The following LILRB1 variants were observed in gnomAD, a reference collection of about 807,000 sequenced individuals.
LILRB1 encodes leukocyte immunoglobulin-like receptor subfamily B member 1.
LILRB1 carries 59 observed loss-of-function variants against 74.6 expected under a neutral mutation model. That is an observed-to-expected ratio of 0.79 (90% CI 0.64 to 0.98). LILRB1 has a LOEUF of 0.98. LILRB1 is among the 50% of genes least tolerant of loss of function. The pLI is 0.00. For synonymous variants in LILRB1, 328 were observed against 333.9 expected (o/e 0.98, Z 0.19); for missense variants, 804 against 822.6 (o/e 0.98, Z 0.28).
upstream of LILRB1, among the ~76,000 whole-genome samples, chr19:54,626,286 C>T (rs2063585551): frequency 6.6e-6 from 1 of 152,122 alleles, no homozygotes; most frequent in Non-Finnish European, 1.5e-5. Flanking sequence ...TGTATCTATT[C>T]TAGGTATCTT....
intron 1 of LILRB1, among the ~76,000 whole-genome samples, chr19:54,624,686 C>G (rs2146188969): frequency 6.6e-6 from 1 of 152,258 alleles, no homozygotes; most frequent in South Asian, 2.1e-4. Context: ...GCCGGCTGGA[C>G]AGCGTGTGTG....
chr19:54,621,865 A>G (rs907672603), intron 1 of LILRB1, among the ~76,000 whole-genome samples: 1 of 152,118 alleles, frequency 6.6e-6, no homozygotes, highest in Non-Finnish European at 1.5e-5. Flanking sequence ...ATTTTTGTAC[A>G]TGGTGGGAGA....
rs755681901 is a variant in LILRB1 at position 54,635,599 on chromosome 19, T to C, written c.1643T>C (p.Met548Thr). The C allele has an allele frequency of 7.4e-6, 12 of 1,613,870 alleles. No homozygotes were observed. In the Admixed American group the frequency reaches 1.5e-4, roughly 20 times the overall value. Residue 548 changes from methionine (M) to threonine (T), a missense_variant, in exon 13 of 15, where the codon ATG (methionine) becomes ACG (threonine). Met to Thr is a moderately conservative substitution (Grantham distance 81, BLOSUM62 -1). Coordinates refer to ENST00000324602, the MANE Select transcript of LILRB1 (RefSeq NM_001081637.3). ...KHTQPEDGVE[M>T]DTRQSPHDED... ...ACACAGCCTGAGGATGGGGTGGAGATGGACACTCGGGTGAGACCCCACCCC... is the reference window on the plus strand; with the variant it reads ...ACACAGCCTGAGGATGGGGTGGAGACGGACACTCGGGTGAGACCCCACCCC...
chr19:54,637,919 A>AT lies in LILRB1; in HGVS notation c.*1041_*1042insT, dbSNP rs2064563146. 6.6e-6 allele frequency among the ~76,000 whole-genome samples: 1 copy of AT among 152,250 alleles called. No homozygotes were observed. ...AACTGGAGTTTACATAATGAACATA[A>AT]GAGTAATCAGAGAATCTGACTCATT... On this transcript the variant is annotated 3_prime_UTR_variant, in exon 15 of 15. Coordinates refer to ENST00000324602, the MANE Select transcript of LILRB1 (RefSeq NM_001081637.3).
upstream of LILRB1, among the ~76,000 whole-genome samples, chr19:54,629,814 T>C (rs1022653196): frequency 1.3e-5 from 2 of 152,042 alleles, no homozygotes; most frequent in African/African-American, 4.8e-5. Context: ...TGTTCTTTCC[T>C]GTGGATCCAT....
rs564489382 is a variant in LILRB1, at chr19:54,637,152, G to A, written c.*274G>A. The A allele has an allele frequency of 2.3e-5, 10 of 426,422 alleles. No individual in the cohort carries two copies. Among genetic ancestry groups the A allele is most frequent in the East Asian group, 7.3e-5 (2 of 27,476 alleles). The allele number at this position is 426,422 out of a possible 1,614,324, so 26.4% of individuals were successfully genotyped here. A position where few individuals can be genotyped will look rare whatever the true frequency, so the allele number is the denominator to read the frequency against. On this transcript the variant is annotated 3_prime_UTR_variant, in exon 15 of 15. Transcript: ENST00000324602. The stretch of plus-strand genomic sequence containing the variant: ...ACAATGTAAATATTACACATCAAGC[G>A]ATGAAACTGGAAAACTACAAGCCAC...
At chr19:54,628,326 G>C (rs75122192), upstream of LILRB1, among the ~76,000 whole-genome samples, 2 of 152,026 alleles carry the variant, frequency 1.3e-5, no homozygotes, top group Admixed American at 6.6e-5. Context: ...TATTTATCAC[G>C]GCTAGCAGAT....
chr19:54,620,559 A>C (rs1455312742), intron 1 of LILRB1, among the ~76,000 whole-genome samples: 2 of 152,168 alleles, frequency 1.3e-5, no homozygotes, highest in Non-Finnish European at 2.9e-5. Flanking sequence ...TGAGTATATG[A>C]GATCCAAATG....
intron 1 of LILRB1, among the ~76,000 whole-genome samples, chr19:54,623,834 A>G (rs2063512909): frequency 6.6e-6 from 1 of 151,988 alleles, no homozygotes; most frequent in Non-Finnish European, 1.5e-5. Flanking sequence ...TTTGGATGGG[A>G]TTTGTTTTGC....
rs575822772 is a variant in LILRB1 at position 54,632,917 on chromosome 19, A to G, written c.959-99A>G. ...GGCGGGGAGGGGGAGACTCAGAGAAAACAGAGACAGAGACACTGAGGGTCC... is the reference window on the plus strand; with the variant it reads ...GGCGGGGAGGGGGAGACTCAGAGAAGACAGAGACAGAGACACTGAGGGTCC... On this transcript the variant is annotated intron_variant, in intron 6 of 14. Transcript: ENST00000324602. The G allele has an allele frequency of 7.0e-3, 10,830 of 1,552,016 alleles. 47 individuals carry two copies. The highest frequency in any genetic ancestry group is 8.7e-3 in the Non-Finnish European group (10,033 of 1,147,280).
Position 54,630,502 on chromosome 19 carries a change from C to T in LILRB1, c.-180C>T. On this transcript the variant is annotated 5_prime_UTR_variant, in exon 1 of 15. Coordinates refer to ENST00000324602, the MANE Select transcript of LILRB1 (RefSeq NM_001081637.3). ...TTTCCCTGCATTTCTCTTCTGTGCTCACTGCCACACGCAGCTCAGCCTGGG... is the reference window on the plus strand; with the variant it reads ...TTTCCCTGCATTTCTCTTCTGTGCTTACTGCCACACGCAGCTCAGCCTGGG... 2.1e-6 allele frequency: 1 copy of T among 474,806 alleles called. No homozygotes were observed. The highest frequency in any genetic ancestry group is 4.2e-6 in the Non-Finnish European group (1 of 240,844). The allele number at this position is 474,806 out of a possible 1,614,324, so 29.4% of individuals were successfully genotyped here.
chr19:54,636,473 C>T, intron 13 of LILRB1, 21 bp from the exon 14 acceptor site: 1 of 1,610,182 alleles, frequency 6.2e-7, no homozygotes. Context: ...AAGGACACCC[C>T]CCACCACTGT....
At chr19:54,635,036 C>T (rs1302308577) in intron 10 of LILRB1, 68 bp from the exon 11 acceptor site, 14 of 1,297,876 alleles carry the variant, frequency 1.1e-5, no homozygotes, top group East Asian at 2.5e-5. Context: ...TCCTTACCTT[C>T]GAGCTGTGTG....
chr19:54,626,863 A>G (rs2063605006), upstream of LILRB1, among the ~76,000 whole-genome samples: 1 of 152,194 alleles, frequency 6.6e-6, no homozygotes, highest in Non-Finnish European at 1.5e-5. Flanking sequence ...CCAAGCTTAG[A>G]ATCAGCTCTG....
chr19:54,633,863 G>T, intron 8 of LILRB1, 108 bp from the exon 9 acceptor site: 1 of 1,473,470 alleles, frequency 6.8e-7, no homozygotes, highest in South Asian at 1.3e-5. Context: ...GGTGAGGGGT[G>T]GGGGGTCAAG....
In LILRB1 at chr19:54,634,329, T is replaced by C. The variant is rs753655884; in HGVS notation, c.1363+308T>C. The C allele has an allele frequency of 1.9e-5, 29 of 1,539,298 alleles. No homozygotes were observed. The South Asian group carries it at 2.3e-4, about 12-fold the overall frequency. ...CCTGGGGCAGGGGAGGGGAGAAGAG[T>C]CATGGTTCAGGACGGTCAGGCTCTT... On this transcript the variant is annotated intron_variant, in intron 9 of 14. Transcript: ENST00000324602.
chr19:54,622,853 G>C (rs2063489825), intron 1 of LILRB1, among the ~76,000 whole-genome samples: 1 of 152,156 alleles, frequency 6.6e-6, no homozygotes, highest in African/African-American at 2.4e-5. Flanking sequence ...TTCATGCCTA[G>C]TCTGTTGAGG....
chr19:54,631,757 A>C lies in LILRB1; in HGVS notation c.328A>C (p.Ser110Arg), dbSNP rs10418552. 2.9e-3 allele frequency: 4,696 copies of C among 1,611,342 alleles called. 1 individual carries two copies. In the African/African-American group the frequency reaches 0.057, roughly 20 times the overall value. ...TAGCGACACTGCAGGCCGCTCAGAG[A>C]GCAGTGACCCCCTGGAGCTGGTGGT... ...YGSDTAGRSESSDPLELVVTG... is the reference protein window; with the variant it reads ...YGSDTAGRSERSDPLELVVTG... Residue 110 changes from serine to arginine, a missense_variant, in exon 4 of 15, where the codon AGC becomes CGC. Ser to Arg is a moderately radical substitution (Grantham distance 110). Transcript: ENST00000324602.
chr19:54,633,251 C>T lies in LILRB1; in HGVS notation c.1194C>T (p.Tyr398=), dbSNP rs140589647. 5.1e-5 allele frequency: 83 copies of T among 1,614,194 alleles called. No homozygotes were observed. The highest frequency in any genetic ancestry group is 4.7e-4 in the East Asian group (21 of 44,880). The change falls in exon 7 of 15, where the codon TAC becomes TAT. Residue 398 remains tyrosine, a synonymous_variant. Transcript: ENST00000324602. ...TSAHAGTYRC[Y]GSQSSKPYLL... is the part of the protein sequence containing the mutation. ...CCCATGCGGGGACCTACAGGTGCTA[C>T]GGCTCACAGAGCTCCAAACCCTACC... is the stretch of plus-strand genomic sequence containing the variant.
Sources: gnomAD v4.1 joint callset for allele counts (sites outside exome capture counted in the v4.1 genomes callset) on GRCh38, gnomAD v4.1.1 for gene constraint, MANE v1.5 for transcripts, NCBI Gene and HGNC (gene_info 2026-07-23, HGNC 2026-07-21) for gene names.